KCNJ3: variants seen among roughly 807,000 people sequenced by gnomAD.
KCNJ3 encodes the protein G protein-activated inward rectifier potassium channel 1.
KCNJ3 carries 4 observed loss-of-function variants against 39.2 expected under a neutral mutation model. That is an observed-to-expected ratio of 0.10 (90% CI 0.05 to 0.23). The LOEUF (loss-of-function observed/expected upper bound fraction) is 0.23, where lower values mean the gene tolerates loss of function less well. Among genes scored for constraint, KCNJ3 ranks in the 10% least tolerant of loss-of-function variants. KCNJ3 has a pLI of 1.00. For synonymous variants in KCNJ3, 230 were observed against 237.4 expected, an observed-to-expected ratio of 0.97 and a Z score of 0.29; for missense variants, 276 against 634.9, an observed-to-expected ratio of 0.43 and a Z score of 6.08.
chr2:154,803,465 A>G (rs1686856549), intron 2 of KCNJ3, among the ~76,000 whole-genome samples: 1 of 151,712 alleles, frequency 6.6e-6, no homozygotes, highest in African/African-American at 2.4e-5. Context: ...ATAATGATTC[A>G]ATATATTATA....
intron 2 of KCNJ3, among the ~76,000 whole-genome samples, chr2:154,739,524 A>G (rs938778460): frequency 6.6e-6 from 1 of 152,048 alleles, no homozygotes; most frequent in African/African-American, 2.4e-5. Context: ...GGGAAGGACC[A>G]TCCATCCTTC....
chr2:154,755,447 GAT>G (rs1685920775), intron 2 of KCNJ3, among the ~76,000 whole-genome samples: 2 of 151,342 alleles, frequency 1.3e-5, no homozygotes, highest in Non-Finnish European at 2.9e-5. Flanking sequence ...TACAAAATCT[GAT>G]ATTAGGCATT....
intron 2 of KCNJ3, among the ~76,000 whole-genome samples, chr2:154,759,498 G>T (rs534466017): frequency 6.6e-6 from 1 of 151,668 alleles, no homozygotes; most frequent in Non-Finnish European, 1.5e-5. Context: ...TGTAATAGTT[G>T]TTTATATTTT....
At position 154,714,640 on chromosome 2, in the gene KCNJ3, T is replaced by C. The variant is rs151272424; in HGVS notation, c.919+4821T>C. Among the ~76,000 whole-genome samples, 10 of 152,312 alleles carry C rather than the reference T, an allele frequency of 6.6e-5. No individual in the cohort carries two copies. The East Asian group carries it at 1.9e-3, about 29-fold the overall frequency. ...GTCACCTTGTCCAAATACCAAGTCA[T>C]CAACTTACCCTCAAATTATATCCTC... is the stretch of plus-strand genomic sequence containing the variant. On this transcript the variant is annotated intron_variant, in intron 2 of 2. Transcript: ENST00000295101.
At chr2:154,806,802 C>G (rs1344992180) in intron 2 of KCNJ3, among the ~76,000 whole-genome samples, 1 of 152,150 alleles carries the variant, frequency 6.6e-6, no homozygotes, top group Non-Finnish European at 1.5e-5. Flanking sequence ...CTGAGCAAAT[C>G]CTATAAATTT....
At chr2:154,810,736 T>G (rs1398185131) in intron 2 of KCNJ3, among the ~76,000 whole-genome samples, 1 of 152,144 alleles carries the variant, frequency 6.6e-6, no homozygotes, top group Non-Finnish European at 1.5e-5. Flanking sequence ...AAACCAAAAT[T>G]CATTAGCTAG....
intron 2 of KCNJ3, among the ~76,000 whole-genome samples, chr2:154,814,818 A>G (rs1054916869): frequency 1.3e-5 from 2 of 152,130 alleles, no homozygotes; most frequent in Non-Finnish European, 2.9e-5. Flanking sequence ...CAATGACTTT[A>G]TATGCATTAT....
rs33975324 is a variant in KCNJ3 at position 154,855,616 on chromosome 2, G to GA, written c.*311dup. On this transcript the variant is annotated 3_prime_UTR_variant, in exon 3 of 3. Coordinates refer to ENST00000295101, the MANE Select transcript of KCNJ3 (RefSeq NM_002239.4). ...TGGCATATTTATATTGTATATTCTG[G>GA]AAAAAAAATATATATATATATTTAA... 41,722 of 149,118 alleles carry GA rather than the reference G, an allele frequency of 0.28. 6,267 individuals are homozygous for GA. Among genetic ancestry groups the GA allele is most frequent in the Non-Finnish European group, 0.36 (25,009 of 70,204 alleles). The allele number at this position is 149,118 out of a possible 1,614,324, so 9.2% of individuals were successfully genotyped here.
chr2:154,804,807 G>A (rs948818016), intron 2 of KCNJ3, among the ~76,000 whole-genome samples: 2 of 152,122 alleles, frequency 1.3e-5, no homozygotes, highest in African/African-American at 4.8e-5. Context: ...ACTGGAGGAA[G>A]TATTTTCCTC....
At chr2:154,772,776 A>G (rs1686264465) in intron 2 of KCNJ3, among the ~76,000 whole-genome samples, 1 of 151,076 alleles carries the variant, frequency 6.6e-6, no homozygotes. Context: ...TTTCTTGTAA[A>G]CCTAATTAGA....
chr2:154,699,525 AC>A lies in KCNJ3; in HGVS notation c.702+51del. On this transcript the variant is annotated intron_variant, in intron 1 of 2. Coordinates refer to ENST00000295101, the MANE Select transcript of KCNJ3 (RefSeq NM_002239.4). This position sits in a 1 kb window ranked among gnomAD's most constrained non-coding sequence, Gnocchi z 6.4. The stretch of plus-strand genomic sequence containing the variant: ...CCACCGGGAGACCTGCGTCCCCCAA[AC>A]CCGCGGAGTAACTCGTCTGAGAACC... 2 of 1,506,528 alleles carry A rather than the reference AC, an allele frequency of 1.3e-6. No individual in the cohort carries two copies. The highest frequency in any genetic ancestry group is 1.8e-6 in the Non-Finnish European group (2 of 1,129,968). 93.3% of individuals were successfully genotyped at this position (1,506,528 alleles called of 1,614,324 possible).
chr2:154,803,438 C>T (rs1258198182), intron 2 of KCNJ3, among the ~76,000 whole-genome samples: 1 of 151,616 alleles, frequency 6.6e-6, no homozygotes, highest in Non-Finnish European at 1.5e-5. Flanking sequence ...CACGCACTAA[C>T]ACACAGAAAA....
chr2:154,819,819 A>G (rs1438106849), intron 2 of KCNJ3, among the ~76,000 whole-genome samples: 3 of 151,356 alleles, frequency 2.0e-5, no homozygotes, highest in African/African-American at 4.9e-5. Flanking sequence ...AGGAGCCACC[A>G]CTCCCGGATA....
At chr2:154,716,276 A>ATTTTTTTTTTTTTTTTTTTTT (rs535989708) in intron 2 of KCNJ3, among the ~76,000 whole-genome samples, 2 of 115,484 alleles carry the variant, frequency 1.7e-5, no homozygotes, top group Non-Finnish European at 3.4e-5. Context: ...CGGCCGGCTA[A>ATTTTTTTTTTTTTTTTTTTTT]TTTTTTTTTT....
Position 154,698,702 on chromosome 2 carries a change from T to G in KCNJ3, c.-74T>G. On this transcript the variant is annotated 5_prime_UTR_variant, in exon 1 of 3. Coordinates refer to ENST00000295101, the MANE Select transcript of KCNJ3 (RefSeq NM_002239.4). ...CTTTCCTCCCCCGCCCCCACCTCCT[T>G]ATTGGTGCTAGTTTGCAGCGCCCAG... 1.1e-5 allele frequency: 3 copies of G among 268,864 alleles called. No individual in the cohort carries two copies. Among genetic ancestry groups the G allele is most frequent in the East Asian group, 6.4e-5 (1 of 15,722 alleles). 16.7% of individuals were successfully genotyped at this position (268,864 alleles called of 1,614,324 possible).
chr2:154,841,308 T>TTGA (rs1687571793), intron 2 of KCNJ3, among the ~76,000 whole-genome samples: 1 of 152,190 alleles, frequency 6.6e-6, no homozygotes, highest in Non-Finnish European at 1.5e-5. Context: ...GATAAGCTTT[T>TTGA]TGATGTGCTG....
chr2:154,790,709 G>GAAA (rs1247960930), intron 2 of KCNJ3, among the ~76,000 whole-genome samples: 4 of 151,962 alleles, frequency 2.6e-5, no homozygotes, highest in Non-Finnish European at 5.9e-5. Flanking sequence ...GGGGGATGTA[G>GAAA]AAAACATAGG....
Position 154,858,257 on chromosome 2 carries a change from A to G in KCNJ3, c.*2944A>G, listed in dbSNP as rs1687877152. ...TGGTAGCACTCCCTTTCACTCTTAC[A>G]ATGTCTTGGTTTGGATGATATATGG... On this transcript the variant is annotated 3_prime_UTR_variant, in exon 3 of 3. Coordinates refer to ENST00000295101, the MANE Select transcript of KCNJ3 (RefSeq NM_002239.4). 1 of 152,118 alleles carries G rather than the reference A, an allele frequency of 6.6e-6. No individual in the cohort carries two copies. The highest frequency in any genetic ancestry group is 1.5e-5 in the Non-Finnish European group (1 of 68,002). 9.4% of individuals were successfully genotyped at this position (152,118 alleles called of 1,614,324 possible). A position where few individuals can be genotyped will look rare whatever the true frequency, so the allele number is the denominator to read the frequency against.
chr2:154,783,126 C>T (rs1408539077), intron 2 of KCNJ3, among the ~76,000 whole-genome samples: 1 of 151,556 alleles, frequency 6.6e-6, no homozygotes, highest in Non-Finnish European at 1.5e-5. Flanking sequence ...TGCGGTGGGC[C>T]AAGATTGCCC....
Sources: allele counts gnomAD v4.1 joint callset (sites outside exome capture counted in the v4.1 genomes callset), GRCh38; gene constraint gnomAD v4.1.1; non-coding constraint Gnocchi (gnomAD v3.1); transcripts MANE v1.5; gene names NCBI Gene and HGNC (gene_info 2026-07-23, HGNC 2026-07-21).